Variants in XRN2 observed in about 807,000 individuals in gnomAD.
XRN2 encodes 5'-3' exoribonuclease 2.
In XRN2, 44 loss-of-function variants were observed where a neutral mutation model predicts 138.5. The ratio of observed to expected loss-of-function variants is 0.32; its 90% CI spans 0.25 to 0.41. The LOEUF (loss-of-function observed/expected upper bound fraction) is 0.41, where lower values mean the gene tolerates loss of function less well. Among genes scored for constraint, XRN2 ranks in the 10% least tolerant of loss-of-function variants. The probability of loss-of-function intolerance (pLI) is 1.00; values close to 1 mark genes in which losing one functional copy is unlikely to be tolerated. For missense variants in XRN2, 937 were observed against 1,169.3 expected (o/e 0.80, Z 2.90); for synonymous variants, 354 against 369.4 (o/e 0.96, Z 0.48).
At chr20:21,308,902 G>C (rs2037840219) in intron 1 of XRN2, among the ~76,000 whole-genome samples, 1 of 151,990 alleles carries the variant, frequency 6.6e-6, no homozygotes. Context: ...GGTCTCCTGT[G>C]TTTTCTTAGA....
rs1002981226 is a variant in XRN2 at position 21,340,850 on chromosome 20, T to C, written c.1408T>C (p.Ser470Pro). ...AAYEMRMQNNSSPSISPNTSF... is the reference protein window; with the variant it reads ...AAYEMRMQNNPSPSISPNTSF... Reference sequence around the variant, plus strand: ...CTATGAAATGAGGATGCAGAATAACTCTGTAAGTGGCTTACTTTTATGTGA... The same window carrying C: ...CTATGAAATGAGGATGCAGAATAACCCTGTAAGTGGCTTACTTTTATGTGA... Residue 470 changes from serine (S) to proline (P), a missense_variant and splice_region_variant, in exon 15 of 30, where the codon TCT becomes CCT. Ser to Pro is a moderately conservative substitution (Grantham distance 74, BLOSUM62 -1). Transcript: ENST00000377191. 1 of 1,613,736 alleles carries C rather than the reference T, an allele frequency of 6.2e-7. No homozygotes were observed. Among genetic ancestry groups the C allele is most frequent in the Non-Finnish European group, 8.5e-7 (1 of 1,179,802 alleles).
chr20:21,330,807 A>G, intron 6 of XRN2, 102 bp downstream of exon 6: 1 of 1,092,434 alleles, frequency 9.2e-7, no homozygotes. Flanking sequence ...GCCCCATAAA[A>G]TGCTAGTTGA....
At chr20:21,348,569 T>C (rs756143332) in intron 19 of XRN2, 139 bp downstream of exon 19, 3 of 760,378 alleles carry the variant, frequency 3.9e-6, no homozygotes, top group South Asian at 1.8e-5. Context: ...AACACACATA[T>C]ATTTCCTGCT....
chr20:21,337,908 A>G (rs552911032), intron 13 of XRN2, among the ~76,000 whole-genome samples: 6 of 152,024 alleles, frequency 3.9e-5, no homozygotes, highest in South Asian at 2.1e-4. Flanking sequence ...TGACTAATGG[A>G]TTTCATAGTC....
intron 27 of XRN2, among the ~76,000 whole-genome samples, chr20:21,373,775 G>A (rs2038787838): frequency 6.6e-6 from 1 of 152,104 alleles, no homozygotes; most frequent in African/African-American, 2.4e-5. Flanking sequence ...GGATATTTTT[G>A]TTTGTGTGAT....
At chr20:21,326,814 C>T (rs2038135432) in intron 3 of XRN2, among the ~76,000 whole-genome samples, 1 of 152,176 alleles carries the variant, frequency 6.6e-6, no homozygotes, top group African/African-American at 2.4e-5. Context: ...GGGATGTTGG[C>T]GACTGCCCTT....
intron 4 of XRN2, 118 bp downstream of exon 4, chr20:21,328,788 A>C: frequency 1.2e-6 from 1 of 868,422 alleles, no homozygotes. Flanking sequence ...ATCCCAGAAT[A>C]TCCAGTGTTC....
chr20:21,303,692 G>A (rs2037771664), intron 1 of XRN2: 2 of 1,285,816 alleles, frequency 1.6e-6, no homozygotes, highest in South Asian at 4.9e-5. Context: ...CGGGGCAAGG[G>A]CCTATAGGGT....
intron 24 of XRN2, among the ~76,000 whole-genome samples, chr20:21,365,111 G>T (rs951908024): frequency 6.6e-6 from 1 of 151,968 alleles, no homozygotes. Context: ...TTTATTTTTT[G>T]TTGTTGTAAA....
intron 1 of XRN2, among the ~76,000 whole-genome samples, chr20:21,321,301 C>CTGTGTGTGTG (rs61188840): frequency 1.5e-4 from 18 of 121,514 alleles, no homozygotes; most frequent in African/African-American, 3.9e-4. Flanking sequence ...CTGTGCCTGG[C>CTGTGTGTGTG]TGTGTGTGTG....
In XRN2 at chr20:21,305,941, G is replaced by A. The variant is rs1465806472; in HGVS notation, c.75+2468G>A. Among the ~76,000 whole-genome samples the A allele has an allele frequency of 2.9e-5, 2 of 67,856 alleles. 1 individual carries two copies. Among genetic ancestry groups the A allele is most frequent in the East Asian group, 1.6e-3 (2 of 1,262 alleles). 44.5% of individuals were successfully genotyped at this position (67,856 alleles called of 152,430 possible). On this transcript the variant is annotated intron_variant, in intron 1 of 29. Transcript: ENST00000377191. Reference sequence around the variant, plus strand: ...ATTTTTTTGTACTTTTAGTAGAGACGGGGTTTCACCGTGTTAGCCAGGATG... The same window carrying A: ...ATTTTTTTGTACTTTTAGTAGAGACAGGGTTTCACCGTGTTAGCCAGGATG...
At chr20:21,343,827 C>T (rs1314636212) in intron 15 of XRN2, among the ~76,000 whole-genome samples, 1 of 150,966 alleles carries the variant, frequency 6.6e-6, no homozygotes, top group African/African-American at 2.4e-5. Context: ...CTTTTTTTTT[C>T]TTCAGAAACT....
chr20:21,357,639 C>G, intron 23 of XRN2, 97 bp from the exon 24 acceptor site: 1 of 977,160 alleles, frequency 1.0e-6, no homozygotes, highest in Non-Finnish European at 1.5e-6. Flanking sequence ...AATGATTTAT[C>G]TTTTCTAAAG....
intron 13 of XRN2, among the ~76,000 whole-genome samples, chr20:21,337,914 T>C (rs1356448275): frequency 6.6e-6 from 1 of 151,908 alleles, no homozygotes; most frequent in East Asian, 1.9e-4. Flanking sequence ...ATGGATTTCA[T>C]AGTCTGCAGG....
chr20:21,324,533 C>G (rs1057004790), intron 1 of XRN2, among the ~76,000 whole-genome samples: 2 of 146,646 alleles, frequency 1.4e-5, no homozygotes, highest in African/African-American at 5.0e-5. Context: ...TTGTGACCAT[C>G]TAGCTCTAGC....
chr20:21,334,868 C>T (rs2038263819), intron 13 of XRN2, among the ~76,000 whole-genome samples: 1 of 151,992 alleles, frequency 6.6e-6, no homozygotes, highest in South Asian at 2.1e-4. Context: ...CTGTAGGACA[C>T]CTGAGAGGAG....
chr20:21,327,652 A>T (rs774841801), intron 3 of XRN2, among the ~76,000 whole-genome samples: 14 of 152,200 alleles, frequency 9.2e-5, no homozygotes, highest in Admixed American at 6.5e-5. Context: ...TCTTTCTGCT[A>T]CATCAAGTAT....
intron 13 of XRN2, among the ~76,000 whole-genome samples, chr20:21,335,758 T>C (rs1600689253): frequency 6.6e-6 from 1 of 152,232 alleles, no homozygotes; most frequent in Non-Finnish European, 1.5e-5. Flanking sequence ...TACTGTCTCT[T>C]TAGCCGACTC....
chr20:21,388,203 G>C (rs896260645), intron 29 of XRN2, among the ~76,000 whole-genome samples: 3 of 152,166 alleles, frequency 2.0e-5, no homozygotes, highest in African/African-American at 7.2e-5. Flanking sequence ...AACCCCACAC[G>C]GTTCAGCAGG....
Sources: allele counts gnomAD v4.1 joint callset (sites outside exome capture counted in the v4.1 genomes callset), GRCh38; gene constraint gnomAD v4.1.1; transcripts MANE v1.5; gene names NCBI Gene and HGNC (gene_info 2026-07-23, HGNC 2026-07-21).